ATG4C: variants seen among roughly 807,000 people sequenced by gnomAD.
ATG4C encodes the protein cysteine protease ATG4C.
In ATG4C, 56 loss-of-function variants were observed where a neutral mutation model predicts 57.6. The ratio of observed to expected loss-of-function variants is 0.97; its 90% confidence interval spans 0.78 to 1.21. The LOEUF (loss-of-function observed/expected upper bound fraction) is 1.21, where lower values mean the gene tolerates loss of function less well. ATG4C is among the 50% of genes most tolerant of loss of function. The pLI is 0.00. For synonymous variants in ATG4C, 157 were observed against 174.1 expected (o/e 0.90, Z 0.78); for missense variants, 595 against 529.8 (o/e 1.12, Z -1.21).
chr1:62,846,823 C>T (rs1232907953), intron 10 of ATG4C, among the ~76,000 whole-genome samples: 1 of 152,140 alleles, frequency 6.6e-6, no homozygotes, highest in African/African-American at 2.4e-5. Flanking sequence ...GTTTCCAAGC[C>T]TCACTTCCCT....
chr1:62,833,941 A>C, intron 7 of ATG4C, 97 bp from the exon 8 acceptor site: 1 of 1,012,118 alleles, frequency 9.9e-7, no homozygotes, highest in Non-Finnish European at 1.5e-6. Flanking sequence ...TGGTAGTGGT[A>C]AATTTGGGAG....
chr1:62,827,096 GAGTC>G (rs1665686251), intron 6 of ATG4C, among the ~76,000 whole-genome samples: 1 of 152,168 alleles, frequency 6.6e-6, no homozygotes. Context: ...GTTAAACTGT[GAGTC>G]AGATTAGGAC....
At chr1:62,847,764 C>T (rs1471281075) in intron 10 of ATG4C, among the ~76,000 whole-genome samples, 1 of 152,086 alleles carries the variant, frequency 6.6e-6, no homozygotes, top group African/African-American at 2.4e-5. Flanking sequence ...TTAGTAGTAT[C>T]TTTTATTTCG....
At chr1:62,834,287 T>C (rs985971820) in intron 8 of ATG4C, among the ~76,000 whole-genome samples, 171 bp downstream of exon 8, 4 of 152,056 alleles carry the variant, frequency 2.6e-5, no homozygotes, top group African/African-American at 9.7e-5. Context: ...ATAATTAGAT[T>C]CTGTAAAATA....
intron 9 of ATG4C, among the ~76,000 whole-genome samples, chr1:62,840,037 A>T (rs937519889): frequency 6.6e-6 from 1 of 152,226 alleles, no homozygotes; most frequent in South Asian, 2.1e-4. Flanking sequence ...AACATAACAA[A>T]TATGACAACT....
chr1:62,813,818 T>A (rs1665171867), intron 3 of ATG4C, among the ~76,000 whole-genome samples: 1 of 152,120 alleles, frequency 6.6e-6, no homozygotes, highest in South Asian at 2.1e-4. Flanking sequence ...AAGAAGACAT[T>A]TATGCAGCCA....
At chr1:62,805,710 G>A (rs952962664) in intron 3 of ATG4C, among the ~76,000 whole-genome samples, 4 of 152,000 alleles carry the variant, frequency 2.6e-5, no homozygotes, top group African/African-American at 9.7e-5. Flanking sequence ...CACTCATTGG[G>A]TGCCGGGCAC....
At chr1:62,821,047 A>G (rs1557974577) in intron 5 of ATG4C, 92 bp from the exon 6 acceptor site, 1 of 968,712 alleles carries the variant, frequency 1.0e-6, no homozygotes, top group African/African-American at 1.7e-5. Flanking sequence ...AAAGTCACAA[A>G]ACTGCTGGCA....
chr1:62,793,441 A>G (rs1433449203), intron 1 of ATG4C, among the ~76,000 whole-genome samples: 2 of 151,154 alleles, frequency 1.3e-5, no homozygotes, highest in Non-Finnish European at 3.0e-5. Flanking sequence ...GCAAAACCCC[A>G]TCTCTACAAA....
At position 62,834,024 on chromosome 1, in the gene ATG4C, A is replaced by G. The variant is rs542777807; in HGVS notation, c.934-14A>G. On this transcript the variant is annotated splice_polypyrimidine_tract_variant and intron_variant, in intron 7 of 10. Coordinates refer to ENST00000317868, the MANE Select transcript of ATG4C (RefSeq NM_032852.4). Reference sequence around the variant, plus strand: ...TTGCCTCTTGACTAAATCTGTATTAATTTTTTTTGGCAGGGTATTTTAAGC... The same window carrying G: ...TTGCCTCTTGACTAAATCTGTATTAGTTTTTTTTGGCAGGGTATTTTAAGC... 1.6e-5 allele frequency: 25 copies of G among 1,603,456 alleles called. No individual in the cohort carries two copies. The South Asian group carries it at 2.6e-4, about 16-fold the overall frequency.
intron 1 of ATG4C, among the ~76,000 whole-genome samples, chr1:62,794,145 T>C (rs1429151059): frequency 1.3e-5 from 2 of 152,234 alleles, no homozygotes; most frequent in Non-Finnish European, 2.9e-5. Flanking sequence ...AAGTACATGA[T>C]TGAGGTCATT....
chr1:62,838,939 A>G (rs560461144), intron 9 of ATG4C, among the ~76,000 whole-genome samples: 1 of 152,234 alleles, frequency 6.6e-6, no homozygotes, highest in Non-Finnish European at 1.5e-5. Flanking sequence ...TAAAACAACC[A>G]TGAATAACAA....
chr1:62,793,931 GA>G (rs1664378447), intron 1 of ATG4C, among the ~76,000 whole-genome samples: 2 of 152,120 alleles, frequency 1.3e-5, no homozygotes, highest in Admixed American at 6.6e-5. Flanking sequence ...TAAGAGCTTG[GA>G]AAGTTGCGTT....
chr1:62,841,263 T>G (rs1394995720), intron 9 of ATG4C, among the ~76,000 whole-genome samples, 165 bp from the exon 10 acceptor site: 1 of 152,194 alleles, frequency 6.6e-6, no homozygotes, highest in Non-Finnish European at 1.5e-5. Flanking sequence ...TATTTTACAG[T>G]TTTGCAGAGT....
intron 5 of ATG4C, 21 bp downstream of exon 5, chr1:62,819,356 T>C: frequency 6.5e-7 from 1 of 1,548,116 alleles, no homozygotes; most frequent in East Asian, 2.3e-5. Flanking sequence ...TTTAAAATCT[T>C]TCTTCTTGTG....
At chr1:62,846,039 C>A (rs1666317506) in intron 10 of ATG4C, among the ~76,000 whole-genome samples, 1 of 152,182 alleles carries the variant, frequency 6.6e-6, no homozygotes, top group African/African-American at 2.4e-5. Flanking sequence ...TGTTTTACAT[C>A]TAGGTGACCA....
intron 10 of ATG4C, among the ~76,000 whole-genome samples, chr1:62,842,520 C>T (rs932793919): frequency 6.6e-5 from 10 of 151,912 alleles, no homozygotes; most frequent in African/African-American, 2.2e-4. Context: ...AGGCTGGTCT[C>T]GAACTCCTGA....
Position 62,841,438 on chromosome 1 carries a change from G to C in ATG4C, c.1100G>C (p.Cys367Ser), listed in dbSNP as rs201027291. The C allele has an allele frequency of 6.2e-7, 1 of 1,605,440 alleles. No individual in the cohort carries two copies. Among genetic ancestry groups the C allele is most frequent in the East Asian group, 2.2e-5 (1 of 44,500 alleles). ...IKDFPLETFHCPSPKKMSFRK... is the reference protein window; with the variant it reads ...IKDFPLETFHSPSPKKMSFRK... ...CTTTAAAAATTACAGACATTCCACTGCCCTTCTCCCAAAAAGATGTCTTTT... is the reference window on the plus strand; with the variant it reads ...CTTTAAAAATTACAGACATTCCACTCCCCTTCTCCCAAAAAGATGTCTTTT... Residue 367 changes from cysteine (C) to serine (S), a missense_variant, in exon 10 of 11, where the codon TGC becomes TCC. By Grantham distance (112) the Cys-to-Ser change is moderately radical. Coordinates refer to ENST00000317868, the MANE Select transcript of ATG4C (RefSeq NM_032852.4).
chr1:62,862,242 T>C (rs763912896), intron 10 of ATG4C, among the ~76,000 whole-genome samples: 2 of 152,150 alleles, frequency 1.3e-5, no homozygotes, highest in Non-Finnish European at 2.9e-5. Flanking sequence ...AGCAGTTTCC[T>C]TTCTGACTTT....
Sources: gnomAD v4.1 joint callset for allele counts (sites outside exome capture counted in the v4.1 genomes callset) on GRCh38, gnomAD v4.1.1 for gene constraint, MANE v1.5 for transcripts, NCBI Gene and HGNC (gene_info 2026-07-23, HGNC 2026-07-21) for gene names.